CKAP2L: variants seen among roughly 807,000 people sequenced by gnomAD.
CKAP2L encodes the protein cytoskeleton-associated protein 2-like.
CKAP2L carries 42 observed loss-of-function variants against 65.7 expected under a neutral mutation model. The observed-to-expected ratio is 0.64, with a 90% CI of 0.50 to 0.83. CKAP2L has a LOEUF of 0.83. CKAP2L is among the 40% of genes least tolerant of loss of function. The pLI is 0.00. For synonymous variants in CKAP2L, 325 were observed against 313.5 expected, an observed-to-expected ratio of 1.04 and a Z score of -0.39; for missense variants, 908 against 871.0, an observed-to-expected ratio of 1.04 and a Z score of -0.53.
chr2:112,745,980 G>A (rs1680188159), intron 6 of CKAP2L, among the ~76,000 whole-genome samples: 1 of 152,148 alleles, frequency 6.6e-6, no homozygotes, highest in Admixed American at 6.5e-5. Flanking sequence ...GGGGAAAATG[G>A]GAGGGAAGGA....
At chr2:112,750,791 T>TA (rs79847825) in intron 5 of CKAP2L, among the ~76,000 whole-genome samples, 2,425 of 116,380 alleles carry the variant, frequency 0.021, 52 homozygotes, top group African/African-American at 0.067. Flanking sequence ...AACATATTTA[T>TA]AAAAAAAAAA....
At chr2:112,755,312 G>T (rs773258606) in intron 4 of CKAP2L, among the ~76,000 whole-genome samples, 1 of 152,224 alleles carries the variant, frequency 6.6e-6, no homozygotes, top group East Asian at 1.9e-4. Flanking sequence ...GGCTAATTTT[G>T]TATTTTTAGT....
chr2:112,756,341 A>T lies in CKAP2L; in HGVS notation c.1030T>A (p.Tyr344Asn), dbSNP rs370718483. ...TTGATGTTTGGATGTCTGTTGTTATATTCACCCTGAAGCAAACTGGGGTAT... is the reference window on the plus strand; with the variant it reads ...TTGATGTTTGGATGTCTGTTGTTATTTTCACCCTGAAGCAAACTGGGGTAT... ...RTYPSLLQGEYNNRHPNIKQD... is the reference protein window; with the variant it reads ...RTYPSLLQGENNNRHPNIKQD... Residue 344 changes from tyrosine (Y) to asparagine (N), a missense_variant, in exon 4 of 9, where the codon TAT becomes AAT. Tyr to Asn is a moderately radical substitution (Grantham distance 143). Coordinates refer to ENST00000302450, the MANE Select transcript of CKAP2L (RefSeq NM_152515.5). 7.4e-6 allele frequency: 12 copies of T among 1,613,482 alleles called. No individual in the cohort carries two copies. Among genetic ancestry groups the T allele is most frequent in the Non-Finnish European group, 9.3e-6 (11 of 1,179,796 alleles).
rs779434277 is a variant in CKAP2L, at chr2:112,738,819, G to A, written c.*4C>T. The A allele has an allele frequency of 6.3e-7, 1 of 1,576,420 alleles. No homozygotes were observed. Among genetic ancestry groups the A allele is most frequent in the Admixed American group, 1.7e-5 (1 of 59,600 alleles). ...ACACCTTTTTTAAAAAAAGCATCAA[G>A]AAATTATGATTCAGGGGTTTGAAAC... On this transcript the variant is annotated 3_prime_UTR_variant, in exon 9 of 9. Coordinates refer to ENST00000302450, the MANE Select transcript of CKAP2L (RefSeq NM_152515.5).
rs1680842305 is a variant in CKAP2L, at chr2:112,764,550, G to A, written c.37+12C>T. The stretch of plus-strand genomic sequence containing the variant: ...AACGCCTGAGAATAACGGGAACAGC[G>A]GTCGTACTCACCGACAGCGGCAGCA... On this transcript the variant is annotated intron_variant, in intron 1 of 8. Coordinates refer to ENST00000302450, the MANE Select transcript of CKAP2L (RefSeq NM_152515.5). 6.2e-7 allele frequency: 1 copy of A among 1,613,942 alleles called. No individual in the cohort carries two copies. Among genetic ancestry groups the A allele is most frequent in the Non-Finnish European group, 8.5e-7 (1 of 1,179,806 alleles).
At chr2:112,740,467 C>T (rs1165589422) in intron 8 of CKAP2L, among the ~76,000 whole-genome samples, 2 of 152,192 alleles carry the variant, frequency 1.3e-5, no homozygotes, top group Non-Finnish European at 2.9e-5. Context: ...CTAGTACATA[C>T]TCCACTGCTC....
At chr2:112,762,657 C>A in intron 1 of CKAP2L, 88 bp from the exon 2 acceptor site, 1 of 1,127,130 alleles carries the variant, frequency 8.9e-7, no homozygotes, top group Non-Finnish European at 1.3e-6. Flanking sequence ...ACACTTTTCT[C>A]TAGTGATTTT....
In CKAP2L at chr2:112,740,352, A is replaced by G. The variant is rs1679831866; in HGVS notation, c.2012+466T>C. On this transcript the variant is annotated intron_variant, in intron 8 of 8. Transcript: ENST00000302450. ...TGGTGCTACACTCACATTTTAGAAA[A>G]TGACACTGACGCCCTGACATAGCTC... Among the ~76,000 whole-genome samples the G allele has an allele frequency of 2.0e-5, 3 of 152,182 alleles. No individual in the cohort carries two copies. The South Asian group carries it at 6.2e-4, about 32-fold the overall frequency.
At chr2:112,745,648 T>C (rs1680179681) in intron 6 of CKAP2L, among the ~76,000 whole-genome samples, 1 of 152,242 alleles carries the variant, frequency 6.6e-6, no homozygotes, top group African/African-American at 2.4e-5. Context: ...CCCCAAGTGC[T>C]GGGATTACAG....
chr2:112,761,319 G>C (rs1680713220), intron 2 of CKAP2L, among the ~76,000 whole-genome samples: 1 of 151,648 alleles, frequency 6.6e-6, no homozygotes. Context: ...AAATTAGCTG[G>C]GCATGGTGGC....
chr2:112,746,680 T>A, intron 5 of CKAP2L, 105 bp from the exon 6 acceptor site: 1 of 818,028 alleles, frequency 1.2e-6, no homozygotes, highest in Non-Finnish European at 1.8e-6. Context: ...GTTTGATCAC[T>A]AATATTTTTG....
chr2:112,756,021 T>C lies in CKAP2L; in HGVS notation c.1350A>G (p.Gln450=), dbSNP rs1470964151. The change falls in exon 4 of 9, where the codon CAA becomes CAG. Residue 450 remains glutamine, a synonymous_variant. Coordinates refer to ENST00000302450, the MANE Select transcript of CKAP2L (RefSeq NM_152515.5). ...CCTTCTTTTTAATATTTGGGTTTGT[T>C]TGGGTCCCATTTACGGTTGTGACAT... The part of the protein sequence containing the change: ...QADVTTVNGT[Q]TNPNIKKKAT... 17 of 1,607,084 alleles carry C rather than the reference T, an allele frequency of 1.1e-5. No individual in the cohort carries two copies. The highest frequency in any genetic ancestry group is 4.0e-5 in the African/African-American group (3 of 74,270).
In CKAP2L at chr2:112,756,396, T is replaced by C; in HGVS notation, c.975A>G (p.Glu325=). ...ETKIRSYPVT[E]QRVKHTKPRT... The stretch of plus-strand genomic sequence containing the variant: ...TGGGTTTGGTGTGCTTCACTCTCTG[T>C]TCAGTAACAGGGTATGACCGTATCT... The change falls in exon 4 of 9, where the codon GAA becomes GAG. Residue 325 remains glutamate (E), a synonymous_variant. Coordinates refer to ENST00000302450, the MANE Select transcript of CKAP2L (RefSeq NM_152515.5). 1 of 1,614,100 alleles carries C rather than the reference T, an allele frequency of 6.2e-7. No homozygotes were observed. Among genetic ancestry groups the C allele is most frequent in the Non-Finnish European group, 8.5e-7 (1 of 1,179,996 alleles).
chr2:112,750,474 T>C (rs552987624), intron 5 of CKAP2L, among the ~76,000 whole-genome samples: 1 of 152,308 alleles, frequency 6.6e-6, no homozygotes, highest in African/African-American at 2.4e-5. Flanking sequence ...AGATGTGACC[T>C]ACACTGTCTC....
intron 2 of CKAP2L, among the ~76,000 whole-genome samples, 194 bp from the exon 3 acceptor site, chr2:112,760,958 C>T (rs1680700268): frequency 6.6e-6 from 1 of 151,942 alleles, no homozygotes; most frequent in African/African-American, 2.4e-5. Flanking sequence ...CCCTTGGAGA[C>T]CACCAACTGC....
intron 5 of CKAP2L, among the ~76,000 whole-genome samples, chr2:112,751,808 T>A (rs765327684): frequency 3.9e-5 from 6 of 152,208 alleles, no homozygotes; most frequent in Non-Finnish European, 8.8e-5. Context: ...TTTATCCTTA[T>A]CTGCAGAATC....
At position 112,736,520 on chromosome 2, in the gene CKAP2L, C is replaced by T. The variant is rs1033674384; in HGVS notation, c.*2303G>A. Reference sequence around the variant, plus strand: ...ACTTATTTAACAAAAATCCCTAATACAATTGTATTAACTTTAGCCCTATCT... The same window carrying T: ...ACTTATTTAACAAAAATCCCTAATATAATTGTATTAACTTTAGCCCTATCT... On this transcript the variant is annotated 3_prime_UTR_variant, in exon 9 of 9. Transcript: ENST00000302450. 4 of 152,180 alleles carry T rather than the reference C, an allele frequency of 2.6e-5. No individual in the cohort carries two copies. Among genetic ancestry groups the T allele is most frequent in the African/African-American group, 9.7e-5 (4 of 41,432 alleles). The allele number at this position is 152,180 out of a possible 1,614,324, so 9.4% of individuals were successfully genotyped here.
At chr2:112,748,506 AAAAATCAT>A (rs1201290836) in intron 5 of CKAP2L, among the ~76,000 whole-genome samples, 3 of 152,240 alleles carry the variant, frequency 2.0e-5, no homozygotes, top group Non-Finnish European at 4.4e-5. Flanking sequence ...TTTGCCATTC[AAAAATCAT>A]AAAGTCACTA....
chr2:112,748,002 A>T (rs1239686399), intron 5 of CKAP2L, among the ~76,000 whole-genome samples: 1 of 152,238 alleles, frequency 6.6e-6, no homozygotes, highest in Non-Finnish European at 1.5e-5. Context: ...ATCCTCCTAG[A>T]AACCAGTGTA....
Sources: allele counts gnomAD v4.1 joint callset (sites outside exome capture counted in the v4.1 genomes callset), GRCh38; gene constraint gnomAD v4.1.1; transcripts MANE v1.5; gene names NCBI Gene and HGNC (gene_info 2026-07-23, HGNC 2026-07-21).